ACSL3: variants seen among roughly 807,000 people sequenced by gnomAD.
ACSL3 encodes the protein acyl-CoA synthetase long chain family member 3.
A neutral mutation model predicts 84.7 loss-of-function variants in ACSL3; 34 were observed. That is an observed-to-expected ratio of 0.40 (90% CI 0.31 to 0.53). The LOEUF (loss-of-function observed/expected upper bound fraction) is 0.53. ACSL3 is among the 20% of genes least tolerant of loss of function. ACSL3 has a pLI of 0.48. For missense variants in ACSL3, 680 were observed against 873.1 expected (o/e 0.78, Z 2.79); for synonymous variants, 315 against 299.4 (o/e 1.05, Z -0.54).
Position 222,934,567 on chromosome 2 carries a change from C to G in ACSL3, c.1885C>G (p.Gln629Glu), listed in dbSNP as rs1559304299. The G allele has an allele frequency of 6.3e-7, 1 of 1,586,462 alleles. No homozygotes were observed. The highest frequency in any genetic ancestry group is 2.3e-5 in the East Asian group (1 of 44,030). The change falls in exon 16 of 17, where the codon CAA (glutamine) becomes GAA (glutamate). Residue 629 changes from glutamine (Q) to glutamate (E), a missense_variant. By Grantham distance (29) the Gln-to-Glu change is conservative. Transcript: ENST00000357430. Reference sequence around the variant, plus strand: ...TGTCATTGGATTTGTTGTGCCAAATCAAAAGGAACTAACTGAACTAGCTCG... The same window carrying G: ...TGTCATTGGATTTGTTGTGCCAAATGAAAAGGAACTAACTGAACTAGCTCG... ...SYVIGFVVPNQKELTELARKK... is the reference protein window; with the variant it reads ...SYVIGFVVPNEKELTELARKK...
At chr2:222,907,711 G>T (rs548833023) in intron 3 of ACSL3, among the ~76,000 whole-genome samples, 1 of 150,552 alleles carries the variant, frequency 6.6e-6, no homozygotes, top group East Asian at 2.0e-4. Flanking sequence ...GCTGCAGTGA[G>T]CTATAATCTT....
At chr2:222,918,278 A>G in intron 6 of ACSL3, 123 bp downstream of exon 6, 2 of 499,750 alleles carry the variant, frequency 4.0e-6, no homozygotes, top group East Asian at 3.2e-5. Flanking sequence ...ACTTTTATGA[A>G]TATCATACTT....
At chr2:222,919,998 G>A (rs546732568) in intron 7 of ACSL3, among the ~76,000 whole-genome samples, 1 of 152,272 alleles carries the variant, frequency 6.6e-6, no homozygotes, top group East Asian at 1.9e-4. Flanking sequence ...GGCTTCAGAG[G>A]CTACTAAGGA....
intron 4 of ACSL3, chr2:222,909,801 C>T (rs1696393650): frequency 6.6e-6 from 1 of 152,280 alleles, no homozygotes; most frequent in Non-Finnish European, 1.5e-5. Context: ...TCATTACTGA[C>T]ACTCAAGAGC....
chr2:222,867,849 TC>T (rs779790110), intron 1 of ACSL3, among the ~76,000 whole-genome samples: 7 of 152,170 alleles, frequency 4.6e-5, no homozygotes, highest in Admixed American at 1.3e-4. Context: ...GTCTCGGCCT[TC>T]CTCTAATCGT....
intron 14 of ACSL3, among the ~76,000 whole-genome samples, chr2:222,932,589 G>A (rs1238571656): frequency 1.3e-5 from 2 of 151,822 alleles, no homozygotes; most frequent in East Asian, 1.9e-4. Flanking sequence ...TCGGCCTCCC[G>A]AAGTGCTGGG....
intron 2 of ACSL3, among the ~76,000 whole-genome samples, chr2:222,894,694 A>G (rs1382183184): frequency 4.0e-5 from 6 of 151,326 alleles, no homozygotes; most frequent in South Asian, 2.1e-4. Context: ...TGACTTGCCT[A>G]TATCTTTTTC....
In ACSL3 at chr2:222,908,913, A is replaced by G. The variant is rs1352614865; in HGVS notation, c.141A>G (p.Ser47=). ...TYIPFYFFSE[S]RQEKSNRIKA... Reference sequence around the variant, plus strand: ...TTCCGTTTTATTTTTTCTCCGAGTCAAGACAAGAAAAATCAAACCGAATTA... The same window carrying G: ...TTCCGTTTTATTTTTTCTCCGAGTCGAGACAAGAAAAATCAAACCGAATTA... The change falls in exon 4 of 17, where the codon TCA becomes TCG. Residue 47 remains serine, a synonymous_variant. Transcript: ENST00000357430. 1.2e-6 allele frequency: 2 copies of G among 1,612,442 alleles called. No individual in the cohort carries two copies. The highest frequency in any genetic ancestry group is 1.7e-6 in the Non-Finnish European group (2 of 1,179,422).
chr2:222,878,829 T>C (rs1168142381), intron 1 of ACSL3, among the ~76,000 whole-genome samples: 1 of 152,186 alleles, frequency 6.6e-6, no homozygotes, highest in Non-Finnish European at 1.5e-5. Context: ...GAGCCCTTAC[T>C]CTATACATCC....
At chr2:222,899,292 G>A (rs1696073902) in intron 2 of ACSL3, among the ~76,000 whole-genome samples, 2 of 151,964 alleles carry the variant, frequency 1.3e-5, no homozygotes, top group Non-Finnish European at 2.9e-5. Flanking sequence ...GTTCTAACAC[G>A]GTGAAATCCC....
intron 11 of ACSL3, among the ~76,000 whole-genome samples, chr2:222,926,082 C>G (rs891495253): frequency 1.3e-5 from 2 of 152,044 alleles, no homozygotes; most frequent in East Asian, 3.9e-4. Flanking sequence ...TTAGATTCAA[C>G]CAACCGTGGA....
intron 1 of ACSL3, among the ~76,000 whole-genome samples, chr2:222,885,724 A>AG (rs1482396136): frequency 6.6e-6 from 1 of 152,100 alleles, no homozygotes; most frequent in Non-Finnish European, 1.5e-5. Flanking sequence ...TTTTGAACCC[A>AG]GTAGTATCTG....
chr2:222,912,039 T>C (rs1265114202), intron 4 of ACSL3, among the ~76,000 whole-genome samples: 1 of 152,248 alleles, frequency 6.6e-6, no homozygotes, highest in Admixed American at 6.5e-5. Flanking sequence ...TTGTGGTTCA[T>C]CAAACTTTGT....
chr2:222,890,610 C>T, intron 2 of ACSL3, among the ~76,000 whole-genome samples: 1 of 151,632 alleles, frequency 6.6e-6, no homozygotes, highest in East Asian at 1.9e-4. Context: ...TTTATTTCAC[C>T]CTGGGGGAAA....
In ACSL3 at chr2:222,927,075, G is replaced by A; in HGVS notation, c.1351G>A (p.Gly451Ser). 6.2e-7 allele frequency: 1 copy of A among 1,614,134 alleles called. No individual in the cohort carries two copies. Reference sequence around the variant, plus strand: ...GGGAAATATTCGTCTCCTGTTGTGTGGTGGCGCTCCACTTTCTGCAACCAC... The same window carrying A: ...GGGAAATATTCGTCTCCTGTTGTGTAGTGGCGCTCCACTTTCTGCAACCAC... ...LGGNIRLLLC[G>S]GAPLSATTQR... Residue 451 changes from glycine (G) to serine (S), a missense_variant, in exon 12 of 17, where the codon GGT becomes AGT. Physicochemically the swap from Gly to Ser is moderately conservative, Grantham distance 56 (BLOSUM62 0). This residue lies in a region of ACSL3 where 347 missense variants were observed against 525.7 expected (regional missense o/e 0.66). Transcript: ENST00000357430.
chr2:222,921,154 ATTTGTTG>A, intron 7 of ACSL3, 119 bp from the exon 8 acceptor site: 1 of 1,028,078 alleles, frequency 9.7e-7, no homozygotes. Context: ...TATAACTAAT[ATTTGTTG>A]AATTGAGTTA....
At chr2:222,880,771 A>G (rs1695571730) in intron 1 of ACSL3, among the ~76,000 whole-genome samples, 1 of 150,484 alleles carries the variant, frequency 6.6e-6, no homozygotes, top group Non-Finnish European at 1.5e-5. Context: ...CGGAGCTTAC[A>G]GTGAGCAGAG....
chr2:222,924,394 T>C (rs983406563), intron 10 of ACSL3, 62 bp from the exon 11 acceptor site: 1 of 1,383,690 alleles, frequency 7.2e-7, no homozygotes, highest in Admixed American at 2.5e-5. Flanking sequence ...AATCTAATGC[T>C]AAGTGAATAT....
chr2:222,894,188 G>A (rs921929123), intron 2 of ACSL3, among the ~76,000 whole-genome samples: 3 of 152,052 alleles, frequency 2.0e-5, no homozygotes, highest in African/African-American at 7.2e-5. Context: ...GTTAAGCTCC[G>A]TTACTTTACT....
Sources: allele counts gnomAD v4.1 joint callset (sites outside exome capture counted in the v4.1 genomes callset), GRCh38; gene constraint gnomAD v4.1.1; regional missense constraint gnomAD v4.1.1; transcripts MANE v1.5; gene names NCBI Gene and HGNC (gene_info 2026-07-23, HGNC 2026-07-21).